Variants in FAM241A observed in about 807,000 individuals in gnomAD.
The protein encoded by FAM241A is uncharacterized protein FAM241A.
FAM241A carries 7 observed loss-of-function variants against 12.2 expected under a neutral mutation model. The ratio of observed to expected loss-of-function variants is 0.58; its 90% CI spans 0.33 to 1.08. The LOEUF (loss-of-function observed/expected upper bound fraction) is 1.08. Among genes scored for constraint, FAM241A ranks in the 50% least tolerant of loss-of-function variants. FAM241A has a pLI of 0.04. For missense variants in FAM241A, 161 were observed against 169.7 expected, an observed-to-expected ratio of 0.95 and a Z score of 0.29; for synonymous variants, 74 against 68.2, an observed-to-expected ratio of 1.08 and a Z score of -0.42.
intron 1 of FAM241A, among the ~76,000 whole-genome samples, chr4:112,149,553 G>GAACT (rs1183615386): frequency 2.6e-5 from 4 of 152,144 alleles, no homozygotes; most frequent in African/African-American, 9.7e-5. Flanking sequence ...AGAAGTAGAA[G>GAACT]AACTAGGTCA....
chr4:112,161,234 A>G (rs548291806), intron 1 of FAM241A, among the ~76,000 whole-genome samples: 2 of 152,362 alleles, frequency 1.3e-5, no homozygotes, highest in African/African-American at 4.8e-5. Context: ...TGACACCCCA[A>G]CATCACAATT....
Position 112,192,896 on chromosome 4 carries a change from G to T in FAM241A, c.*5958G>T, listed in dbSNP as rs1177240264. The T allele has an allele frequency of 6.6e-6, 1 of 151,372 alleles. No homozygotes were observed. The highest frequency in any genetic ancestry group is 1.5e-5 in the Non-Finnish European group (1 of 67,772). 9.4% of individuals were successfully genotyped at this position (151,372 alleles called of 1,614,324 possible). On this transcript the variant is annotated 3_prime_UTR_variant, in exon 2 of 2. Coordinates refer to ENST00000309733, the MANE Select transcript of FAM241A (RefSeq NM_152400.3). ...ATGGCTGGGTCAAATGGTATTTCTAGTTCTAGATTCCTGAGGAATCGCCAC... is the reference window on the plus strand; with the variant it reads ...ATGGCTGGGTCAAATGGTATTTCTATTTCTAGATTCCTGAGGAATCGCCAC...
At position 112,190,443 on chromosome 4, in the gene FAM241A, T is replaced by A. The variant is rs557241113; in HGVS notation, c.*3505T>A. The A allele has an allele frequency of 2.2e-4, 33 of 150,862 alleles. 2 individuals are homozygous for A. The highest frequency in any genetic ancestry group is 8.0e-4 in the African/African-American group (33 of 41,034). The allele number at this position is 150,862 out of a possible 1,614,324, so 9.3% of individuals were successfully genotyped here. On this transcript the variant is annotated 3_prime_UTR_variant, in exon 2 of 2. Transcript: ENST00000309733. ...CTATAAAAGTGCTGGGACAGCACTT[T>A]GGGAGGCCGAAGCGGGCGGATCACC...
Position 112,192,059 on chromosome 4 carries a change from C to T in FAM241A, c.*5121C>T, listed in dbSNP as rs1724177328. On this transcript the variant is annotated 3_prime_UTR_variant, in exon 2 of 2. Coordinates refer to ENST00000309733, the MANE Select transcript of FAM241A (RefSeq NM_152400.3). ...GAAGTTCTTTGACTCCAAAAGTATA[C>T]TTACTGTGCACAAAGAGCATGGGTT... 1 of 152,122 alleles carries T rather than the reference C, an allele frequency of 6.6e-6. No individual in the cohort carries two copies. Among genetic ancestry groups the T allele is most frequent in the Non-Finnish European group, 1.5e-5 (1 of 68,036 alleles). 9.4% of individuals were successfully genotyped at this position (152,122 alleles called of 1,614,324 possible). A position where few individuals can be genotyped will look rare whatever the true frequency, so the allele number is the denominator to read the frequency against.
At position 112,161,551 on chromosome 4, in the gene FAM241A, A is replaced by G. The variant is rs541870442; in HGVS notation, c.153+15818A>G. Reference sequence around the variant, plus strand: ...AAACACCACTACGCAAGTAAACTAGAAAATCTAGAAGAAACGGATAAATTC... The same window carrying G: ...AAACACCACTACGCAAGTAAACTAGGAAATCTAGAAGAAACGGATAAATTC... On this transcript the variant is annotated intron_variant, in intron 1 of 1. Transcript: ENST00000309733. Among the ~76,000 whole-genome samples, 9 of 152,340 alleles carry G rather than the reference A, an allele frequency of 5.9e-5. No homozygotes were observed. The South Asian group carries it at 1.7e-3, about 28-fold the overall frequency.
At chr4:112,174,614 C>A (rs979136961) in intron 1 of FAM241A, among the ~76,000 whole-genome samples, 1 of 152,156 alleles carries the variant, frequency 6.6e-6, no homozygotes, top group African/African-American at 2.4e-5. Context: ...AACAACACAG[C>A]AGCCAGAAGT....
At position 112,187,926 on chromosome 4, in the gene FAM241A, A is replaced by G. The variant is rs1466970900; in HGVS notation, c.*988A>G. On this transcript the variant is annotated 3_prime_UTR_variant, in exon 2 of 2. Transcript: ENST00000309733. ...ATCAGATCATTTTTCTTTGATATCT[A>G]TATCAGAAAGGTACAATATTAACAG... The G allele has an allele frequency of 1.3e-5, 2 of 152,242 alleles. No individual in the cohort carries two copies. Among genetic ancestry groups the G allele is most frequent in the East Asian group, 3.9e-4 (2 of 5,190 alleles). The allele number at this position is 152,242 out of a possible 1,614,324, so 9.4% of individuals were successfully genotyped here.
chr4:112,153,614 T>G (rs1197577437), intron 1 of FAM241A, among the ~76,000 whole-genome samples: 1 of 152,232 alleles, frequency 6.6e-6, no homozygotes, highest in East Asian at 1.9e-4. Flanking sequence ...ATGCAGAAGA[T>G]ACTTTCTATC....
At chr4:112,147,462 C>T (rs751168164) in intron 1 of FAM241A, among the ~76,000 whole-genome samples, 1 of 152,108 alleles carries the variant, frequency 6.6e-6, no homozygotes, top group Non-Finnish European at 1.5e-5. Context: ...ATTGGTGCAA[C>T]CCAACCCATT....
chr4:112,186,854 T>C lies in FAM241A; in HGVS notation c.315T>C (p.Phe105=), dbSNP rs1439267643. The C allele has an allele frequency of 6.2e-7, 1 of 1,614,148 alleles. No individual in the cohort carries two copies. Among genetic ancestry groups the C allele is most frequent in the South Asian group, 1.1e-5 (1 of 91,080 alleles). The change falls in exon 2 of 2, where the codon TTT becomes TTC. Residue 105 remains phenylalanine (F), a synonymous_variant. Coordinates refer to ENST00000309733, the MANE Select transcript of FAM241A (RefSeq NM_152400.3). ...RIVEPVIVIF[F]WVMLWFLGLQ... ...TGGAACCAGTAATAGTCATTTTCTT[T>C]TGGGTTATGCTGTGGTTCCTTGGCC... is the stretch of plus-strand genomic sequence containing the variant.
Position 112,191,297 on chromosome 4 carries a change from T to A in FAM241A, c.*4359T>A, listed in dbSNP as rs1298321155. 6.6e-6 allele frequency: 1 copy of A among 152,212 alleles called. No individual in the cohort carries two copies. Among genetic ancestry groups the A allele is most frequent in the African/African-American group, 2.4e-5 (1 of 41,462 alleles). 9.4% of individuals were successfully genotyped at this position (152,212 alleles called of 1,614,324 possible). A position where few individuals can be genotyped will look rare whatever the true frequency, so the allele number is the denominator to read the frequency against. On this transcript the variant is annotated 3_prime_UTR_variant, in exon 2 of 2. Coordinates refer to ENST00000309733, the MANE Select transcript of FAM241A (RefSeq NM_152400.3). ...TAGCATCACTGAGTCCATTCTGCCATCATCTCACCTGGCATGCTGAGAATC... is the reference window on the plus strand; with the variant it reads ...TAGCATCACTGAGTCCATTCTGCCAACATCTCACCTGGCATGCTGAGAATC...
At chr4:112,174,122 A>G (rs1723775173) in intron 1 of FAM241A, among the ~76,000 whole-genome samples, 2 of 152,156 alleles carry the variant, frequency 1.3e-5, no homozygotes, top group Admixed American at 6.5e-5. Context: ...AATTCCAGGT[A>G]GGTATAGCTG....
chr4:112,174,793 A>G (rs909759420), intron 1 of FAM241A, among the ~76,000 whole-genome samples: 4 of 152,240 alleles, frequency 2.6e-5, no homozygotes, highest in Admixed American at 6.5e-5. Context: ...ACATAGACCC[A>G]TCAACACAGG....
rs1337764422 is a variant in FAM241A at position 112,193,761 on chromosome 4, T to G, written c.*6823T>G. On this transcript the variant is annotated 3_prime_UTR_variant, in exon 2 of 2. Transcript: ENST00000309733. ...TTTTGGTTATTGTAGCCTTGTAGTA[T>G]AGTTTGAAGTCAGGTAGCATGATGC... The G allele has an allele frequency of 1.3e-5, 2 of 152,116 alleles. No individual in the cohort carries two copies. The highest frequency in any genetic ancestry group is 2.9e-5 in the Non-Finnish European group (2 of 68,014). The allele number at this position is 152,116 out of a possible 1,614,324, so 9.4% of individuals were successfully genotyped here.
chr4:112,154,306 T>C (rs1183395499), intron 1 of FAM241A, among the ~76,000 whole-genome samples: 1 of 152,138 alleles, frequency 6.6e-6, no homozygotes, highest in Admixed American at 6.6e-5. Context: ...AGTCCTTTGT[T>C]GCCCAAGCAG....
At chr4:112,170,615 C>T (rs1039689224) in intron 1 of FAM241A, among the ~76,000 whole-genome samples, 19 of 152,004 alleles carry the variant, frequency 1.2e-4, no homozygotes, top group African/African-American at 4.6e-4. Context: ...GAGTCATGTC[C>T]CGAGCAGGAT....
intron 1 of FAM241A, among the ~76,000 whole-genome samples, chr4:112,147,242 G>A (rs1723158593): frequency 6.6e-6 from 1 of 152,194 alleles, no homozygotes; most frequent in African/African-American, 2.4e-5. Flanking sequence ...ATATCACTTT[G>A]CATACCTGCC....
rs1310672001 is a variant in FAM241A, at chr4:112,176,366, T to C, written c.154-10327T>C. Among the ~76,000 whole-genome samples the C allele has an allele frequency of 2.6e-5, 4 of 152,348 alleles. No homozygotes were observed. In the East Asian group the frequency reaches 5.8e-4, roughly 22 times the overall value. ...AGTGCTTATTCAAAAAGGTTTTATC[T>C]GTTTTCTTATCACAACAACTCTAAA... On this transcript the variant is annotated intron_variant, in intron 1 of 1. Transcript: ENST00000309733.
At chr4:112,186,578 A>C in intron 1 of FAM241A, 115 bp from the exon 2 acceptor site, 1 of 938,026 alleles carries the variant, frequency 1.1e-6, no homozygotes. Context: ...GTACTTGTAG[A>C]ATAATTATCA....
Sources: gnomAD v4.1 joint callset for allele counts (sites outside exome capture counted in the v4.1 genomes callset) on GRCh38, gnomAD v4.1.1 for gene constraint, MANE v1.5 for transcripts, NCBI Gene and HGNC (gene_info 2026-07-23, HGNC 2026-07-21) for gene names.